Variants in FRAS1 observed in about 807,000 individuals in gnomAD.
FRAS1 encodes the protein extracellular matrix organizing protein FRAS1.
Under a neutral mutation model 435.2 loss-of-function variants are expected in FRAS1, and 290 were observed. That is an observed-to-expected ratio of 0.67 (90% CI 0.61 to 0.73). The LOEUF (loss-of-function observed/expected upper bound fraction) is 0.73, where lower values mean the gene tolerates loss of function less well. FRAS1 is among the 30% of genes least tolerant of loss of function. The probability of loss-of-function intolerance (pLI) is 0.00; values close to 1 mark genes in which losing one functional copy is unlikely to be tolerated. For missense variants in FRAS1, 4,860 were observed against 5,001.5 expected (o/e 0.97, Z 0.85); for synonymous variants, 1,800 against 1,851.0 (o/e 0.97, Z 0.71).
Position 78,266,818 on chromosome 4 carries a change from T to C in FRAS1, c.688-16T>C. On this transcript the variant is annotated splice_polypyrimidine_tract_variant and intron_variant, in intron 7 of 73. Coordinates refer to ENST00000512123, the MANE Select transcript of FRAS1 (RefSeq NM_025074.7). ...ACATTTGATTTTCCATGTTCTTCTTTCCTGTCTTCATGCAGCATGGTGAGC... is the reference window on the plus strand; with the variant it reads ...ACATTTGATTTTCCATGTTCTTCTTCCCTGTCTTCATGCAGCATGGTGAGC... 1 of 1,574,288 alleles carries C rather than the reference T, an allele frequency of 6.4e-7. No individual in the cohort carries two copies. Among genetic ancestry groups the C allele is most frequent in the Non-Finnish European group, 8.7e-7 (1 of 1,155,448 alleles).
At chr4:78,380,813 G>C (rs534868125) in intron 27 of FRAS1, among the ~76,000 whole-genome samples, 1 of 152,284 alleles carries the variant, frequency 6.6e-6, no homozygotes, top group East Asian at 1.9e-4. Flanking sequence ...GGTTGGTTTT[G>C]AGGTTTGGGC....
chr4:78,261,936 A>G (rs1006903345), intron 6 of FRAS1, among the ~76,000 whole-genome samples: 1 of 152,172 alleles, frequency 6.6e-6, no homozygotes, highest in African/African-American at 2.4e-5. Flanking sequence ...ATCATTCTTC[A>G]GAGTTTTCTC....
rs573665897 is a variant in FRAS1 at position 78,128,746 on chromosome 4, T to C, written c.108+62730T>C. Among the ~76,000 whole-genome samples, 206 of 152,268 alleles carry C rather than the reference T, an allele frequency of 1.4e-3. 1 individual carries two copies. Among genetic ancestry groups the C allele is most frequent in the African/African-American group, 4.7e-3 (194 of 41,554 alleles). On this transcript the variant is annotated intron_variant, in intron 2 of 73. Transcript: ENST00000512123. Reference sequence around the variant, plus strand: ...GGTAGTTTCTTTTGCTGTGCAGAAATTCTTTAGTTTAATGAGATCCCATTT... The same window carrying C: ...GGTAGTTTCTTTTGCTGTGCAGAAACTCTTTAGTTTAATGAGATCCCATTT...
At chr4:78,065,511 A>C (rs537802088) in intron 1 of FRAS1, among the ~76,000 whole-genome samples, 13 of 152,228 alleles carry the variant, frequency 8.5e-5, no homozygotes, top group Non-Finnish European at 1.8e-4. Flanking sequence ...AAAGAGCTTG[A>C]CTAGACAAAG....
intron 66 of FRAS1, among the ~76,000 whole-genome samples, chr4:78,518,452 ATTTATT>A (rs1336830432): frequency 7.4e-4 from 73 of 99,010 alleles, no homozygotes; most frequent in African/African-American, 1.9e-3. Context: ...ATATATATAT[ATTTATT>A]TATTTATTTA....
intron 1 of FRAS1, among the ~76,000 whole-genome samples, chr4:78,065,083 T>TATATAC (rs1383890164): frequency 3.6e-5 from 5 of 140,596 alleles, no homozygotes; most frequent in South Asian, 2.2e-4. Flanking sequence ...TATATATATA[T>TATATAC]ACATACACAC....
chr4:78,175,211 T>C (rs777075655), intron 2 of FRAS1, among the ~76,000 whole-genome samples: 5 of 152,228 alleles, frequency 3.3e-5, no homozygotes, highest in Non-Finnish European at 5.9e-5. Context: ...TTGGGCTCTT[T>C]CAGTATTTAT....
chr4:78,129,005 A>G (rs1719536148), intron 2 of FRAS1, among the ~76,000 whole-genome samples: 1 of 152,220 alleles, frequency 6.6e-6, no homozygotes, highest in South Asian at 2.1e-4. Flanking sequence ...CATTTATTAA[A>G]TAGGGAATCC....
intron 2 of FRAS1, among the ~76,000 whole-genome samples, chr4:78,079,314 A>G (rs1345037857): frequency 6.6e-6 from 1 of 152,196 alleles, no homozygotes; most frequent in African/African-American, 2.4e-5. Context: ...AAGTTGAAAG[A>G]GTGAAGAAAA....
intron 2 of FRAS1, among the ~76,000 whole-genome samples, chr4:78,169,120 T>G (rs1305472368): frequency 6.6e-6 from 1 of 152,092 alleles, no homozygotes; most frequent in Non-Finnish European, 1.5e-5. Context: ...TCTTGTTCCT[T>G]GAGTACAATT....
chr4:78,249,046 C>CATATATATATATA (rs1725388139), intron 4 of FRAS1, among the ~76,000 whole-genome samples: 1 of 27,170 alleles, frequency 3.7e-5, no homozygotes, highest in Non-Finnish European at 9.6e-5. Flanking sequence ...TGAAGAACTA[C>CATATATATATATA]TGATATATAT....
At position 78,531,463 on chromosome 4, in the gene FRAS1, A is replaced by G. The variant is rs573377180; in HGVS notation, c.10926-2986A>G. Among the ~76,000 whole-genome samples, 19 of 152,296 alleles carry G rather than the reference A, an allele frequency of 1.2e-4. No homozygotes were observed. In the South Asian group the frequency reaches 3.7e-3, roughly 30 times the overall value. ...CCAGCTTTTGCCCATTCAGTATCAT[A>G]TTGGCTATGGGTTTGTCATAAATAG... is the stretch of plus-strand genomic sequence containing the variant. On this transcript the variant is annotated intron_variant, in intron 70 of 73. Transcript: ENST00000512123.
At position 78,412,026 on chromosome 4, in the gene FRAS1, C is replaced by A. The variant is rs370471786; in HGVS notation, c.4309-943C>A. Among the ~76,000 whole-genome samples the A allele has an allele frequency of 6.6e-5, 10 of 152,002 alleles. No individual in the cohort carries two copies. The East Asian group carries it at 1.9e-3, about 29-fold the overall frequency. On this transcript the variant is annotated intron_variant, in intron 31 of 73. Coordinates refer to ENST00000512123, the MANE Select transcript of FRAS1 (RefSeq NM_025074.7). ...AAAAGTAGCTAATGCAGTGCTGAGC[C>A]CATAATAGATGATGAGTGAATTATA...
At chr4:78,328,822 G>A (rs1267832916) in intron 18 of FRAS1, among the ~76,000 whole-genome samples, 3 of 152,208 alleles carry the variant, frequency 2.0e-5, no homozygotes, top group Non-Finnish European at 4.4e-5. Flanking sequence ...TCTGGCTGAA[G>A]GGAATGCCTG....
intron 20 of FRAS1, among the ~76,000 whole-genome samples, chr4:78,362,221 A>G (rs921700692): frequency 2.6e-5 from 4 of 152,222 alleles, no homozygotes; most frequent in Admixed American, 1.3e-4. Flanking sequence ...AAAATTTTCC[A>G]GCAACTCAAT....
chr4:78,070,236 T>C (rs890136268), intron 2 of FRAS1, among the ~76,000 whole-genome samples: 9 of 112,798 alleles, frequency 8.0e-5, no homozygotes, highest in Admixed American at 3.4e-4. Context: ...TTTATATATG[T>C]GTATATATGT....
chr4:78,278,651 A>G lies in FRAS1; in HGVS notation c.982-4A>G. ...ATGTGCCACTGCAACCCTTATTTCT[A>G]CAGGATGAAGAATTAATTCACTTAG... On this transcript the variant is annotated splice_region_variant and splice_polypyrimidine_tract_variant and intron_variant, in intron 9 of 73. Coordinates refer to ENST00000512123, the MANE Select transcript of FRAS1 (RefSeq NM_025074.7). The G allele has an allele frequency of 6.5e-7, 1 of 1,543,454 alleles. No individual in the cohort carries two copies. The highest frequency in any genetic ancestry group is 9.0e-7 in the Non-Finnish European group (1 of 1,116,028).
chr4:78,443,613 G>T (rs1407316105), intron 41 of FRAS1, among the ~76,000 whole-genome samples: 1 of 152,184 alleles, frequency 6.6e-6, no homozygotes, highest in Non-Finnish European at 1.5e-5. Flanking sequence ...CACAATGATC[G>T]CCTGTGCGCA....
rs1363836483 is a variant in FRAS1 at position 78,363,640 on chromosome 4, C to A, written c.2550C>A (p.Tyr850Ter). 4.4e-6 allele frequency: 7 copies of A among 1,597,986 alleles called. No individual in the cohort carries two copies. The highest frequency in any genetic ancestry group is 5.1e-6 in the Non-Finnish European group (6 of 1,172,402). ...GTGTTCCTGACTGCCCTTCAGGATA[C>A]TATGCAGAGAGAGGAGCTTGTAAAA... Reference protein sequence around the residue: ...DHCVPDCPSGYYAERGACKKC... With the variant: ...DHCVPDCPSG Residue 850 changes from tyrosine (Y) to a stop codon, truncating the protein, a stop_gained, in exon 21 of 74, where the codon TAC (tyrosine) becomes TAA (stop). Transcript: ENST00000512123. LOFTEE classifies it high-confidence loss of function.
Sources: allele counts gnomAD v4.1 joint callset (sites outside exome capture counted in the v4.1 genomes callset), GRCh38; gene constraint gnomAD v4.1.1; transcripts MANE v1.5; gene names NCBI Gene and HGNC (gene_info 2026-07-23, HGNC 2026-07-21).